ST7: variants seen among roughly 807,000 people sequenced by gnomAD.
The protein encoded by ST7 is suppressor of tumorigenicity 7 protein.
Under a neutral mutation model 78.7 loss-of-function variants are expected in ST7, and 28 were observed. That is an observed-to-expected ratio of 0.36 (90% confidence interval 0.26 to 0.49). ST7 has a LOEUF of 0.49. ST7 is among the 20% of genes least tolerant of loss of function. The pLI, the probability that ST7 is intolerant of heterozygous loss-of-function variation, is 0.99. For synonymous variants in ST7, 247 were observed against 249.6 expected, an observed-to-expected ratio of 0.99 and a Z score of 0.10; for missense variants, 418 against 696.0, an observed-to-expected ratio of 0.60 and a Z score of 4.49.
chr7:117,096,519 G>A (rs1384155763), intron 1 of ST7, among the ~76,000 whole-genome samples: 2 of 152,106 alleles, frequency 1.3e-5, no homozygotes, highest in South Asian at 2.1e-4. Context: ...TTTGCTGAAG[G>A]CTTTTCAGTA....
intron 1 of ST7, among the ~76,000 whole-genome samples, chr7:117,095,559 G>T (rs1482202236): frequency 6.6e-6 from 1 of 152,190 alleles, no homozygotes; most frequent in African/African-American, 2.4e-5. Flanking sequence ...ATTCCCTGAG[G>T]CTGCCTTTCA....
chr7:117,024,815 C>T (rs1051341142), intron 1 of ST7, among the ~76,000 whole-genome samples: 1 of 152,096 alleles, frequency 6.6e-6, no homozygotes, highest in Non-Finnish European at 1.5e-5. Flanking sequence ...ATAGCTACAT[C>T]ACCTGGGGTA....
chr7:117,098,906 T>C (rs975868732), intron 1 of ST7: 8 of 1,154,040 alleles, frequency 6.9e-6, no homozygotes, highest in Non-Finnish European at 9.3e-6. Flanking sequence ...ATAAAATACT[T>C]GTAAGTGAAC....
chr7:116,968,838 T>A lies in ST7; in HGVS notation c.151+15147T>A, dbSNP rs138358791. Among the ~76,000 whole-genome samples, 324 of 152,280 alleles carry A rather than the reference T, an allele frequency of 2.1e-3. 2 individuals carry two copies. The highest frequency in any genetic ancestry group is 7.4e-3 in the African/African-American group (308 of 41,568). The stretch of plus-strand genomic sequence containing the variant: ...TGCTTGGAGAATATGAGAATGTGCA[T>A]CTGCTTGGTCCCTTCAGAAAACTGT... On this transcript the variant is annotated intron_variant, in intron 1 of 15. Transcript: ENST00000323984.
chr7:116,953,745 T>A (rs1444063042), intron 1 of ST7, 54 bp downstream of exon 1: 43 of 1,277,460 alleles, frequency 3.4e-5, no homozygotes, highest in Non-Finnish European at 4.3e-5. Flanking sequence ...CCCCGGAAAG[T>A]TAGTGCAACT....
At chr7:117,005,068 A>G (rs144925611) in intron 1 of ST7, among the ~76,000 whole-genome samples, 1 of 152,256 alleles carries the variant, frequency 6.6e-6, no homozygotes, top group East Asian at 1.9e-4. Flanking sequence ...TTTGTTCCTT[A>G]TGATATCATC....
intron 1 of ST7, among the ~76,000 whole-genome samples, chr7:117,084,511 T>A (rs952050989): frequency 2.0e-5 from 3 of 152,158 alleles, no homozygotes; most frequent in Non-Finnish European, 4.4e-5. Context: ...AACTCAGGCT[T>A]CAGCACCAGT....
chr7:117,228,766 C>G (rs145241369), intron 15 of ST7, among the ~76,000 whole-genome samples: 270 of 152,328 alleles, frequency 1.8e-3, no homozygotes, highest in African/African-American at 6.1e-3. Context: ...ACACACTGCA[C>G]TACACTTCTA....
intron 1 of ST7, chr7:116,965,968 G>A (rs1793089761): frequency 2.8e-6 from 1 of 354,836 alleles, no homozygotes; most frequent in Non-Finnish European, 5.7e-6. Flanking sequence ...AGTGGTCACA[G>A]GCAAGAGATT....
chr7:117,027,309 C>T (rs1014405720), intron 1 of ST7, among the ~76,000 whole-genome samples: 6 of 152,098 alleles, frequency 3.9e-5, no homozygotes, highest in East Asian at 1.9e-4. Flanking sequence ...GGCATGGTGG[C>T]GCATGCCTGT....
At chr7:117,106,063 A>G (rs573550070) in intron 2 of ST7, among the ~76,000 whole-genome samples, 42 of 152,198 alleles carry the variant, frequency 2.8e-4, no homozygotes, top group Admixed American at 1.4e-3. Flanking sequence ...CAGTGGCGCA[A>G]TCTCGGCTCA....
Position 117,184,544 on chromosome 7 carries a change from G to C in ST7, c.1079-4777G>C, listed in dbSNP as rs559818293. 3.3e-5 allele frequency among the ~76,000 whole-genome samples: 5 copies of C among 152,276 alleles called. No homozygotes were observed. In the South Asian group the frequency reaches 8.3e-4, roughly 25 times the overall value. On this transcript the variant is annotated intron_variant, in intron 10 of 15. Transcript: ENST00000323984. ...TCTTATCATTTTATCCATTTCCGTA[G>C]TGATAAAAGCATGAAGTCATAGCAG...
chr7:117,136,231 A>G lies in ST7; in HGVS notation c.861A>G (p.Gln287=), dbSNP rs752333994. 11 of 1,613,706 alleles carry G rather than the reference A, an allele frequency of 6.8e-6. No homozygotes were observed. Among genetic ancestry groups the G allele is most frequent in the South Asian group, 2.2e-5 (2 of 91,074 alleles). The change falls in exon 8 of 16, where the codon CAA becomes CAG. Residue 287 remains glutamine, a synonymous_variant. Coordinates refer to ENST00000323984, the MANE Select transcript of ST7 (RefSeq NM_001369598.1). ...ATCATGGATCCCAGTATGAAGCCCA[A>G]CATAGTAAGGTTTCCTGCAGGTTGA... ...LQHHGSQYEA[Q]HRRDTNVLVY... is the part of the protein sequence containing the mutation.
At chr7:117,001,978 C>A (rs1036769076) in intron 1 of ST7, among the ~76,000 whole-genome samples, 4 of 152,146 alleles carry the variant, frequency 2.6e-5, no homozygotes, top group African/African-American at 9.6e-5. Flanking sequence ...GTAATCCCAA[C>A]ACTTTGGGAG....
intron 1 of ST7, among the ~76,000 whole-genome samples, chr7:117,027,446 G>GTAAAGTAAAAGTAAAAGTAAAAGT (rs1563021796): frequency 1.3e-5 from 2 of 151,386 alleles, no homozygotes; most frequent in African/African-American, 4.9e-5. Context: ...TCTCAAAAGT[G>GTAAAGTAAAAGTAAAAGTAAAAGT]AAAAGTAAAG....
intron 1 of ST7, among the ~76,000 whole-genome samples, chr7:116,960,997 A>C (rs1452115936): frequency 1.3e-5 from 2 of 152,176 alleles, no homozygotes; most frequent in African/African-American, 2.4e-5. Flanking sequence ...ATATGGTGTA[A>C]AGAAGGGGTC....
intron 1 of ST7, among the ~76,000 whole-genome samples, chr7:117,070,528 T>C (rs1356386958): frequency 1.3e-5 from 2 of 148,820 alleles, no homozygotes; most frequent in Non-Finnish European, 3.0e-5. Context: ...GTGAGCATAT[T>C]GGTTTTGTTT....
chr7:117,130,394 T>C, intron 4 of ST7, 97 bp from the exon 5 acceptor site: 1 of 773,588 alleles, frequency 1.3e-6, no homozygotes, highest in South Asian at 2.2e-5. Flanking sequence ...TAGTATTCAG[T>C]TAATGGTCTA....
At chr7:117,076,513 T>C (rs971144790) in intron 1 of ST7, 3 of 152,208 alleles carry the variant, frequency 2.0e-5, no homozygotes, top group Non-Finnish European at 4.4e-5. Context: ...CTCAACTCCT[T>C]ATGGGAGGGA....
Sources: allele counts gnomAD v4.1 joint callset (sites outside exome capture counted in the v4.1 genomes callset), GRCh38; gene constraint gnomAD v4.1.1; transcripts MANE v1.5; gene names NCBI Gene and HGNC (gene_info 2026-07-23, HGNC 2026-07-21).